EPHA5: variants seen among roughly 807,000 people sequenced by gnomAD.
The protein encoded by EPHA5 is EPH receptor A5.
In EPHA5, 60 loss-of-function variants were observed where a neutral mutation model predicts 105.0. That is an observed-to-expected ratio of 0.57 (90% CI 0.46 to 0.71). The LOEUF (loss-of-function observed/expected upper bound fraction) is 0.71, where lower values mean the gene tolerates loss of function less well. EPHA5 is among the 30% of genes least tolerant of loss of function. The probability of loss-of-function intolerance (pLI) is 0.00; values close to 1 mark genes in which losing one functional copy is unlikely to be tolerated. For synonymous variants in EPHA5, 513 were observed against 449.1 expected, an observed-to-expected ratio of 1.14 and a Z score of -1.80; for missense variants, 1,218 against 1,274.7, an observed-to-expected ratio of 0.96 and a Z score of 0.68.
At chr4:65,521,196 TA>T (rs1314247095) in intron 3 of EPHA5, among the ~76,000 whole-genome samples, 2 of 152,030 alleles carry the variant, frequency 1.3e-5, no homozygotes, top group Non-Finnish European at 2.9e-5. Flanking sequence ...TATGCAGCCA[TA>T]AAAAATGATG....
rs1717736378 is a variant in EPHA5, at chr4:65,365,087, T to C, written c.2103A>G (p.Leu701=). 6.2e-7 allele frequency: 1 copy of C among 1,611,900 alleles called. No individual in the cohort carries two copies. Among genetic ancestry groups the C allele is most frequent in the Non-Finnish European group, 8.5e-7 (1 of 1,178,512 alleles). Residue 701 remains leucine (L), a synonymous_variant, in exon 11 of 17, where the codon CTA becomes CTG. Transcript: ENST00000613740. ...ACTGTCCCATGATACTTGCTTCACC[T>C]AGGAAATCTCTGCGTTGCTTTTCAG... is the stretch of plus-strand genomic sequence containing the variant. ...GYTEKQRRDF[L]GEASIMGQFD... is the part of the protein sequence containing the mutation.
intron 2 of EPHA5, among the ~76,000 whole-genome samples, chr4:65,611,678 T>C (rs1744773290): frequency 6.6e-6 from 1 of 152,148 alleles, no homozygotes; most frequent in Non-Finnish European, 1.5e-5. Flanking sequence ...ATATTATGCT[T>C]CTGATGCAAG....
chr4:65,502,088 T>C (rs1454783848), intron 3 of EPHA5, among the ~76,000 whole-genome samples: 3 of 151,784 alleles, frequency 2.0e-5, no homozygotes, highest in Non-Finnish European at 4.4e-5. Context: ...TTTTACTATG[T>C]ACAAAAATTA....
chr4:65,338,822 G>A (rs12645455), intron 14 of EPHA5, among the ~76,000 whole-genome samples: 22,353 of 151,880 alleles, frequency 0.15, 1,972 homozygotes, highest in East Asian at 0.31. Context: ...TTACTACTCT[G>A]GTAGGTTGTA....
intron 13 of EPHA5, among the ~76,000 whole-genome samples, chr4:65,348,699 A>T (rs199972733): frequency 0.089 from 1,822 of 20,544 alleles, 106 homozygotes; most frequent in East Asian, 0.22. Context: ...TATATATATA[A>T]AATATATATG....
chr4:65,563,023 T>C (rs1739176885), intron 3 of EPHA5, among the ~76,000 whole-genome samples: 1 of 151,866 alleles, frequency 6.6e-6, no homozygotes, highest in Non-Finnish European at 1.5e-5. Context: ...ATATACTATA[T>C]GTAAAAGCTT....
intron 8 of EPHA5, among the ~76,000 whole-genome samples, chr4:65,381,525 G>GTT (rs1719562532): frequency 6.6e-6 from 1 of 151,894 alleles, no homozygotes; most frequent in South Asian, 2.1e-4. Flanking sequence ...AAGGCCATGA[G>GTT]TTTTTAAGTG....
At chr4:65,405,967 A>G (rs1722318517) in intron 7 of EPHA5, among the ~76,000 whole-genome samples, 1 of 152,034 alleles carries the variant, frequency 6.6e-6, no homozygotes, top group African/African-American at 2.4e-5. Context: ...CAGAAACTCA[A>G]TGTTACTTGA....
chr4:65,625,370 C>T (rs1428433588), intron 2 of EPHA5, among the ~76,000 whole-genome samples: 1 of 151,956 alleles, frequency 6.6e-6, no homozygotes, highest in Non-Finnish European at 1.5e-5. Flanking sequence ...CAGTAATACA[C>T]GTCTAAAAAA....
At chr4:65,539,704 A>G (rs1161366935) in intron 3 of EPHA5, among the ~76,000 whole-genome samples, 1 of 151,632 alleles carries the variant, frequency 6.6e-6, no homozygotes, top group East Asian at 1.9e-4. Flanking sequence ...AAAGTTTCTT[A>G]AAAGCATACT....
At chr4:65,618,447 A>C (rs1745432663) in intron 2 of EPHA5, among the ~76,000 whole-genome samples, 1 of 152,188 alleles carries the variant, frequency 6.6e-6, no homozygotes, top group Non-Finnish European at 1.5e-5. Flanking sequence ...TTCATAGTTA[A>C]ATTTCTGCTT....
intron 1 of EPHA5, among the ~76,000 whole-genome samples, chr4:65,644,449 C>CGTGA (rs1195142337): frequency 6.6e-6 from 1 of 151,992 alleles, no homozygotes; most frequent in African/African-American, 2.4e-5. Context: ...AAGGGAAACA[C>CGTGA]GTGAGTTATT....
chr4:65,499,793 C>T (rs988925060), intron 3 of EPHA5, among the ~76,000 whole-genome samples: 1 of 150,566 alleles, frequency 6.6e-6, no homozygotes, highest in Non-Finnish European at 1.5e-5. Context: ...CATTCTGGGC[C>T]AAAAGACAAG....
At chr4:65,598,291 G>T (rs1743377193) in intron 3 of EPHA5, among the ~76,000 whole-genome samples, 1 of 152,056 alleles carries the variant, frequency 6.6e-6, no homozygotes, top group African/African-American at 2.4e-5. Flanking sequence ...TTAGAACTAA[G>T]AAATGATTAA....
intron 5 of EPHA5, among the ~76,000 whole-genome samples, chr4:65,420,834 A>G (rs966926497): frequency 6.6e-6 from 1 of 152,020 alleles, no homozygotes; most frequent in Non-Finnish European, 1.5e-5. Context: ...ATTTTATTTC[A>G]TAATTTATAG....
chr4:65,331,830 C>T (rs559247791), intron 16 of EPHA5, 143 bp downstream of exon 16: 3 of 1,369,626 alleles, frequency 2.2e-6, no homozygotes, highest in Non-Finnish European at 2.8e-6. Flanking sequence ...GTTAACAATA[C>T]AGGCTAAAGA....
intron 14 of EPHA5, among the ~76,000 whole-genome samples, chr4:65,340,378 T>A (rs181963499): frequency 2.6e-4 from 39 of 152,252 alleles, no homozygotes; most frequent in African/African-American, 8.9e-4. Flanking sequence ...CAGTTATGAA[T>A]TACTCATGCA....
intron 2 of EPHA5, among the ~76,000 whole-genome samples, chr4:65,606,826 T>A (rs1314344066): frequency 6.6e-6 from 1 of 152,144 alleles, no homozygotes; most frequent in East Asian, 1.9e-4. Context: ...ATTACGACCA[T>A]CTTAGGGATT....
intron 3 of EPHA5, among the ~76,000 whole-genome samples, chr4:65,595,178 C>T (rs982596000): frequency 1.3e-5 from 2 of 150,486 alleles, no homozygotes; most frequent in Admixed American, 6.6e-5. Flanking sequence ...TCTTATTTCC[C>T]TATCTAAAAT....
Sources: allele counts gnomAD v4.1 joint callset (sites outside exome capture counted in the v4.1 genomes callset), GRCh38; gene constraint gnomAD v4.1.1; transcripts MANE v1.5; gene names NCBI Gene and HGNC (gene_info 2026-07-23, HGNC 2026-07-21).